KIF19: variants seen among roughly 807,000 people sequenced by gnomAD.
KIF19 encodes kinesin-like protein KIF19.
Under a neutral mutation model 106.6 loss-of-function variants are expected in KIF19, and 98 were observed. The observed-to-expected ratio is 0.92, with a 90% CI of 0.78 to 1.09. The LOEUF (loss-of-function observed/expected upper bound fraction) is 1.09. KIF19 is among the 50% of genes least tolerant of loss of function. The pLI is 0.00. For synonymous variants in KIF19, 516 were observed against 584.2 expected (o/e 0.88, Z 1.68); for missense variants, 1,373 against 1,414.3 (o/e 0.97, Z 0.47).
chr17:74,340,809 T>G (rs1019346002), intron 2 of KIF19, among the ~76,000 whole-genome samples: 1 of 152,192 alleles, frequency 6.6e-6, no homozygotes, highest in Non-Finnish European at 1.5e-5. Flanking sequence ...TGCCTGTGGC[T>G]CTTTGCTCTG....
intron 11 of KIF19, 50 bp from the exon 12 acceptor site, chr17:74,350,657 C>T: frequency 6.2e-7 from 1 of 1,611,130 alleles, no homozygotes; most frequent in Non-Finnish European, 8.5e-7. Flanking sequence ...TACAGTGTGC[C>T]CTGCCCCCAT....
chr17:74,341,822 A>T, intron 2 of KIF19, 54 bp from the exon 3 acceptor site: 1 of 1,278,862 alleles, frequency 7.8e-7, no homozygotes, highest in South Asian at 1.2e-5. Context: ...GGTTGACCTC[A>T]TCAGGGCCCG....
Position 74,330,802 on chromosome 17 carries a change from T to C in KIF19, c.120+2297T>C, listed in dbSNP as rs187285618. ...CCAAGAAGGCCTCTGAGCTGGGTGG[T>C]TCTAACAGGGCTGCTCCTTTGTCAG... On this transcript the variant is annotated intron_variant, in intron 2 of 19. Coordinates refer to ENST00000389916, the MANE Select transcript of KIF19 (RefSeq NM_153209.4). Among the ~76,000 whole-genome samples the C allele has an allele frequency of 6.0e-3, 919 of 152,210 alleles. 2 individuals are homozygous for C. Among genetic ancestry groups the C allele is most frequent in the Admixed American group, 0.01 (155 of 15,288 alleles).
At position 74,355,481 on chromosome 17, in the gene KIF19, T is replaced by C; in HGVS notation, c.*169T>C. The stretch of plus-strand genomic sequence containing the variant: ...CTGGGGTCTCTGCCCAACCCTCCCA[T>C]GCTTTCAGTGCCACTGGGGAAAAGA... On this transcript the variant is annotated 3_prime_UTR_variant, in exon 20 of 20. Transcript: ENST00000389916. 2 of 828,742 alleles carry C rather than the reference T, an allele frequency of 2.4e-6. No homozygotes were observed. Among genetic ancestry groups the C allele is most frequent in the Non-Finnish European group, 3.6e-6 (2 of 560,420 alleles). 51.3% of individuals were successfully genotyped at this position (828,742 alleles called of 1,614,324 possible). A position where few individuals can be genotyped will look rare whatever the true frequency, so the allele number is the denominator to read the frequency against.
rs2054615183 is a variant in KIF19 at position 74,349,131 on chromosome 17, T to C, written c.1048-53T>C. 45 of 1,601,712 alleles carry C rather than the reference T, an allele frequency of 2.8e-5. 1 individual carries two copies. The South Asian group carries it at 4.7e-4, about 17-fold the overall frequency. On this transcript the variant is annotated intron_variant, in intron 9 of 19. Coordinates refer to ENST00000389916, the MANE Select transcript of KIF19 (RefSeq NM_153209.4). The stretch of plus-strand genomic sequence containing the variant: ...GAAAGGCCCTGCAGGCAGGCCTCGG[T>C]GAGTGCACCTGGGGTGACTGCATCC...
At chr17:74,333,361 AT>A (rs35232394) in intron 2 of KIF19, among the ~76,000 whole-genome samples, 2,436 of 129,424 alleles carry the variant, frequency 0.019, 43 homozygotes, top group African/African-American at 0.056. Flanking sequence ...TGTGGTCCTA[AT>A]TTTTTTTTTT....
At chr17:74,353,407 C>CT in intron 16 of KIF19, 87 bp from the exon 17 acceptor site, 2 of 1,461,700 alleles carry the variant, frequency 1.4e-6, no homozygotes, top group Non-Finnish European at 1.9e-6. Flanking sequence ...ACGGCACCAG[C>CT]TTGAGGCCCC....
chr17:74,329,775 A>G (rs1236658311), intron 2 of KIF19, among the ~76,000 whole-genome samples: 2 of 152,200 alleles, frequency 1.3e-5, no homozygotes, highest in Non-Finnish European at 2.9e-5. Flanking sequence ...TGGTGGGGGC[A>G]ACAGGAGTGG....
Position 74,326,237 on chromosome 17 carries a change from C to G in KIF19, c.-113C>G, listed in dbSNP as rs2053899965. 15 of 983,030 alleles carry G rather than the reference C, an allele frequency of 1.5e-5. No homozygotes were observed. In the South Asian group the frequency reaches 2.5e-4, roughly 16 times the overall value. 60.9% of individuals were successfully genotyped at this position (983,030 alleles called of 1,614,324 possible). ...GCGTTGTTGGTTTCGGGTTGTCAGGCAGCGCGCGAGGCGGCGGGCAGCTAG... is the reference window on the plus strand; with the variant it reads ...GCGTTGTTGGTTTCGGGTTGTCAGGGAGCGCGCGAGGCGGCGGGCAGCTAG... On this transcript the variant is annotated 5_prime_UTR_variant, in exon 1 of 20. Transcript: ENST00000389916.
chr17:74,355,416 C>A lies in KIF19; in HGVS notation c.*104C>A. 7.2e-7 allele frequency: 1 copy of A among 1,381,914 alleles called. No homozygotes were observed. The highest frequency in any genetic ancestry group is 9.6e-7 in the Non-Finnish European group (1 of 1,045,922). 85.6% of individuals were successfully genotyped at this position (1,381,914 alleles called of 1,614,324 possible). Reference sequence around the variant, plus strand: ...CAGATGGAGATGACCAGGAAGTAAGCTCAGGATCTCAGCAGGCCAGGGCTC... The same window carrying A: ...CAGATGGAGATGACCAGGAAGTAAGATCAGGATCTCAGCAGGCCAGGGCTC... On this transcript the variant is annotated 3_prime_UTR_variant, in exon 20 of 20. Transcript: ENST00000389916.
intron 5 of KIF19, among the ~76,000 whole-genome samples, chr17:74,343,655 G>A (rs1334116594): frequency 6.6e-6 from 1 of 152,214 alleles, no homozygotes; most frequent in African/African-American, 2.4e-5. Flanking sequence ...GTGGGAGGCT[G>A]GACTTCATCT....
At chr17:74,347,982 G>A (rs974624088) in intron 9 of KIF19, 83 bp downstream of exon 9, 51 of 1,470,588 alleles carry the variant, frequency 3.5e-5, no homozygotes, top group Admixed American at 1.8e-4. Flanking sequence ...CCACCCCACT[G>A]CACTCTCTGG....
At chr17:74,340,383 C>T (rs527267878) in intron 2 of KIF19, among the ~76,000 whole-genome samples, 4 of 152,290 alleles carry the variant, frequency 2.6e-5, no homozygotes, top group African/African-American at 4.8e-5. Context: ...GCATAGAGCT[C>T]GGGACAAGGC....
chr17:74,330,501 A>T (rs1327274922), intron 2 of KIF19, among the ~76,000 whole-genome samples: 1 of 152,166 alleles, frequency 6.6e-6, no homozygotes, highest in Non-Finnish European at 1.5e-5. Flanking sequence ...TTCCAGGCAA[A>T]GCCACTCTGT....
intron 2 of KIF19, among the ~76,000 whole-genome samples, chr17:74,333,916 T>G (rs1433599748): frequency 1.3e-5 from 2 of 150,526 alleles, no homozygotes; most frequent in African/African-American, 4.9e-5. Flanking sequence ...CTTGAATTCC[T>G]GGGCTCAAAG....
chr17:74,349,608 G>A (rs1019641303), intron 10 of KIF19, among the ~76,000 whole-genome samples: 1 of 152,244 alleles, frequency 6.6e-6, no homozygotes, highest in Non-Finnish European at 1.5e-5. Flanking sequence ...CGAGGGAGAG[G>A]CACGTGAGCA....
chr17:74,344,304 C>G lies in KIF19; in HGVS notation c.538C>G (p.Gln180Glu). 6.2e-7 allele frequency: 1 copy of G among 1,612,840 alleles called. No homozygotes were observed. The highest frequency in any genetic ancestry group is 1.3e-5 in the African/African-American group (1 of 75,026). The stretch of plus-strand genomic sequence containing the variant: ...GCGGGAGGACTCTAAGGGGGTGATC[C>G]AGGTGGCCGGCATCACCGAAGTCTC... Reference protein sequence around the residue: ...ELREDSKGVIQVAGITEVSTI... With the variant: ...ELREDSKGVIEVAGITEVSTI... The change falls in exon 6 of 20, where the codon CAG becomes GAG. Residue 180 changes from glutamine (Q) to glutamate (E), a missense_variant. Around this residue, in one of 3 missense-constraint regions of KIF19, gnomAD observed 348 missense variants for 389.5 expected, o/e 0.89. Transcript: ENST00000389916.
chr17:74,354,280 C>A lies in KIF19; in HGVS notation c.2427C>A (p.Ser809Arg), dbSNP rs765095514. 6.8e-6 allele frequency: 11 copies of A among 1,608,804 alleles called. No homozygotes were observed. In the African/African-American group the frequency reaches 1.2e-4, roughly 18 times the overall value. The change falls in exon 18 of 20, where the codon AGC becomes AGA. Residue 809 changes from serine (S) to arginine (R), a missense_variant. By Grantham distance (110) the Ser-to-Arg change is moderately radical (BLOSUM62 -1). Around this residue, in one of 3 missense-constraint regions of KIF19, gnomAD observed 1,020 missense variants for 1,008.2 expected, o/e 1.01. Coordinates refer to ENST00000389916, the MANE Select transcript of KIF19 (RefSeq NM_153209.4). ...HLLAPATERS[S>R]LSLHSLSEGD... ...TGGCACCCGCGACAGAGCGCAGCAGCCTGTCCCTGCACTCACTGAGCGAGG... is the reference window on the plus strand; with the variant it reads ...TGGCACCCGCGACAGAGCGCAGCAGACTGTCCCTGCACTCACTGAGCGAGG...
chr17:74,350,945 G>A (rs776550575), intron 12 of KIF19, 40 bp downstream of exon 12: 2 of 1,606,528 alleles, frequency 1.2e-6, no homozygotes, highest in Non-Finnish European at 1.7e-6. Flanking sequence ...TGGGTTTAGG[G>A]GACAGGGTGA....
Sources: gnomAD v4.1 joint callset for allele counts (sites outside exome capture counted in the v4.1 genomes callset) on GRCh38, gnomAD v4.1.1 for gene constraint, gnomAD v4.1.1 regional missense constraint, MANE v1.5 for transcripts, NCBI Gene and HGNC (gene_info 2026-07-23, HGNC 2026-07-21) for gene names.